Variants in MEGF10 observed in about 807,000 individuals in gnomAD.
MEGF10 encodes the protein multiple epidermal growth factor-like domains protein 10.
A neutral mutation model predicts 147.5 loss-of-function variants in MEGF10; 86 were observed. The observed-to-expected ratio is 0.58, with a 90% CI of 0.49 to 0.70. MEGF10 has a LOEUF of 0.70. MEGF10 is among the 30% of genes least tolerant of loss of function. The probability of loss-of-function intolerance (pLI) is 0.00; values close to 1 mark genes in which losing one functional copy is unlikely to be tolerated. For missense variants in MEGF10, 1,329 were observed against 1,487.3 expected (o/e 0.89, Z 1.75); for synonymous variants, 478 against 525.5 (o/e 0.91, Z 1.24).
intron 9 of MEGF10, among the ~76,000 whole-genome samples, chr5:127,415,764 C>T (rs1764739782): frequency 1.3e-5 from 2 of 151,516 alleles, no homozygotes; most frequent in South Asian, 4.2e-4. Flanking sequence ...ATTAGCTGGG[C>T]ATGGGGCACA....
At chr5:127,294,826 T>TAAC in intron 1 of MEGF10, among the ~76,000 whole-genome samples, 1 of 145,350 alleles carries the variant, frequency 6.9e-6, no homozygotes, top group Admixed American at 7.1e-5. Flanking sequence ...ATAATAATAA[T>TAAC]AATAATAATA....
At chr5:127,309,280 G>A (rs960614472) in intron 1 of MEGF10, among the ~76,000 whole-genome samples, 3 of 152,146 alleles carry the variant, frequency 2.0e-5, no homozygotes, top group South Asian at 4.1e-4. Flanking sequence ...AAAATATTGC[G>A]GTAAAATGCA....
chr5:127,447,643 TC>T lies in MEGF10; in HGVS notation c.2819del (p.Pro940LeufsTer9). The T allele has an allele frequency of 6.2e-7, 1 of 1,613,992 alleles. No homozygotes were observed. Among genetic ancestry groups the T allele is most frequent in the African/African-American group, 1.3e-5 (1 of 74,960 alleles). ...CCACACGCTCACCCAGTGTGCCACA[TC>T]CCCTCACGTCAACAACAGGGACAGG... Reference protein sequence around the residue: ...SYHTLTQCATSPHVNNRDRMT... With the variant: ...SYHTLTQCATXPHVNNRDRMT... On this transcript the variant is annotated frameshift_variant, in exon 21 of 25. Transcript: ENST00000503335. LOFTEE classifies it high-confidence loss of function.
At chr5:127,348,088 G>GTAAA (rs529406061) in intron 4 of MEGF10, among the ~76,000 whole-genome samples, 383 of 152,168 alleles carry the variant, frequency 2.5e-3, no homozygotes, top group African/African-American at 8.8e-3. Flanking sequence ...CTAAAGTTGA[G>GTAAA]TAAATATTAA....
chr5:127,324,291 A>G (rs1268742379), intron 1 of MEGF10, among the ~76,000 whole-genome samples: 1 of 152,200 alleles, frequency 6.6e-6, no homozygotes, highest in Admixed American at 6.5e-5. Flanking sequence ...AAATTATGAC[A>G]AATTTGGAAA....
chr5:127,390,295 C>G (rs1347130924), intron 5 of MEGF10, among the ~76,000 whole-genome samples: 1 of 146,096 alleles, frequency 6.8e-6, no homozygotes, highest in Admixed American at 6.9e-5. Context: ...CATGGGGCAT[C>G]TTTTTTTTTT....
At chr5:127,247,413 G>A in the MEGF10 span, among the ~76,000 whole-genome samples, 3 of 73,218 alleles carry the variant, frequency 4.1e-5, no homozygotes, top group Non-Finnish European at 5.3e-5. Context: ...AGAAGAAGAA[G>A]AAGAAGAAGA....
At chr5:127,387,920 G>C (rs1763494368) in intron 5 of MEGF10, among the ~76,000 whole-genome samples, 1 of 152,146 alleles carries the variant, frequency 6.6e-6, no homozygotes, top group African/African-American at 2.4e-5. Context: ...GGTTAGGAGA[G>C]AAGAATGTAC....
intron 1 of MEGF10, among the ~76,000 whole-genome samples, chr5:127,304,017 G>C (rs1434715866): frequency 6.6e-6 from 1 of 152,158 alleles, no homozygotes; most frequent in South Asian, 2.1e-4. Context: ...TCTACTCAAG[G>C]ATTTGTCTAG....
At chr5:127,325,509 A>G (rs1419167415) in intron 1 of MEGF10, among the ~76,000 whole-genome samples, 7 of 152,018 alleles carry the variant, frequency 4.6e-5, no homozygotes, top group Non-Finnish European at 1.0e-4. Flanking sequence ...CACCTATATA[A>G]TGACCGTGGG....
intron 5 of MEGF10, among the ~76,000 whole-genome samples, chr5:127,370,731 C>T (rs146289439): frequency 2.6e-5 from 4 of 152,166 alleles, no homozygotes; most frequent in African/African-American, 7.2e-5. Flanking sequence ...CTAAATTTCA[C>T]AGTTTAAACC....
At chr5:127,309,239 G>T (rs1022782342) in intron 1 of MEGF10, among the ~76,000 whole-genome samples, 7 of 152,208 alleles carry the variant, frequency 4.6e-5, no homozygotes, top group Admixed American at 6.5e-5. Context: ...TGTTACTTAC[G>T]CTTTAATACT....
At chr5:127,406,416 T>C (rs1429120354) in intron 8 of MEGF10, among the ~76,000 whole-genome samples, 2 of 152,220 alleles carry the variant, frequency 1.3e-5, no homozygotes, top group Non-Finnish European at 2.9e-5. Context: ...CTGGGCTCTA[T>C]AGTTAACACA....
chr5:127,443,440 T>C (rs957108235), intron 19 of MEGF10, among the ~76,000 whole-genome samples: 4 of 152,212 alleles, frequency 2.6e-5, no homozygotes. Flanking sequence ...TGATTTTTTT[T>C]CAGCTTTATT....
chr5:127,434,604 TA>T lies in MEGF10; in HGVS notation c.1841-79del, dbSNP rs1415394224. Reference sequence around the variant, plus strand: ...TTTTAAGGTTTTGCTTTTTAACCTCTAAAACTTTAACTAGATCCCGATCTGG... The same window carrying T: ...TTTTAAGGTTTTGCTTTTTAACCTCTAAACTTTAACTAGATCCCGATCTGG... On this transcript the variant is annotated intron_variant, in intron 14 of 24. Coordinates refer to ENST00000503335, the MANE Select transcript of MEGF10 (RefSeq NM_001256545.2). The T allele has an allele frequency of 2.2e-5, 31 of 1,440,724 alleles. No homozygotes were observed. In the Admixed American group the frequency reaches 7.8e-4, roughly 36 times the overall value. 89.2% of individuals were successfully genotyped at this position (1,440,724 alleles called of 1,614,324 possible).
chr5:127,385,481 G>A (rs193300065), intron 5 of MEGF10, among the ~76,000 whole-genome samples: 40 of 152,118 alleles, frequency 2.6e-4, no homozygotes, highest in African/African-American at 8.4e-4. Context: ...CCATGTTGGC[G>A]AGGCTGGTCT....
At chr5:127,292,418 T>C (rs1277215462) in intron 1 of MEGF10, among the ~76,000 whole-genome samples, 1 of 152,222 alleles carries the variant, frequency 6.6e-6, no homozygotes, top group Admixed American at 6.5e-5. Context: ...ATTAGCTTTA[T>C]TATTATTGTA....
At chr5:127,318,503 G>C (rs925696910) in intron 1 of MEGF10, among the ~76,000 whole-genome samples, 1 of 152,108 alleles carries the variant, frequency 6.6e-6, no homozygotes, top group African/African-American at 2.4e-5. Flanking sequence ...GGCATCACTG[G>C]CTAAAAATGC....
In MEGF10 at chr5:127,290,875, C is replaced by G. The variant is rs1259915274; in HGVS notation, c.-200C>G. 6.6e-6 allele frequency: 1 copy of G among 152,304 alleles called. No individual in the cohort carries two copies. Among genetic ancestry groups the G allele is most frequent in the South Asian group, 2.1e-4 (1 of 4,830 alleles). 9.4% of individuals were successfully genotyped at this position (152,304 alleles called of 1,614,324 possible). ...CTGGGCGACTGGGAACGCGTTGAGA[C>G]GTTCCTCTTTCCCGCTTCTCCACCT... On this transcript the variant is annotated 5_prime_UTR_variant, in exon 1 of 25. Coordinates refer to ENST00000503335, the MANE Select transcript of MEGF10 (RefSeq NM_001256545.2).
Sources: gnomAD v4.1 joint callset for allele counts (sites outside exome capture counted in the v4.1 genomes callset) on GRCh38, gnomAD v4.1.1 for gene constraint, MANE v1.5 for transcripts, NCBI Gene and HGNC (gene_info 2026-07-23, HGNC 2026-07-21) for gene names.